The following MEF2C variants were observed in gnomAD, a reference collection of about 807,000 sequenced individuals.
MEF2C encodes the protein myocyte-specific enhancer factor 2C.
In MEF2C, 6 loss-of-function variants were observed where a neutral mutation model predicts 50.5. The observed-to-expected ratio is 0.12, with a 90% confidence interval of 0.07 to 0.23. The LOEUF is 0.23. MEF2C is among the 10% of genes least tolerant of loss of function. The pLI is 1.00. For synonymous variants in MEF2C, 183 were observed against 228.0 expected (o/e 0.80, Z 1.78); for missense variants, 276 against 605.0 (o/e 0.46, Z 5.70).
At chr5:88,764,278 C>T (rs1779033323) in intron 3 of MEF2C, among the ~76,000 whole-genome samples, 1 of 152,154 alleles carries the variant, frequency 6.6e-6, no homozygotes, top group Admixed American at 6.5e-5. Flanking sequence ...AATATTAACC[C>T]ATTATCTCTC....
intron 3 of MEF2C, among the ~76,000 whole-genome samples, chr5:88,798,113 G>T (rs1201034818): frequency 1.3e-5 from 2 of 151,444 alleles, no homozygotes; most frequent in Admixed American, 1.3e-4. Context: ...GAATCTGATT[G>T]TGTCTTGGGG....
chr5:88,755,850 A>AG (rs957762276), intron 4 of MEF2C, among the ~76,000 whole-genome samples: 41 of 152,352 alleles, frequency 2.7e-4, no homozygotes, highest in African/African-American at 9.4e-4. Flanking sequence ...CAAAATAAAG[A>AG]GGATTATTAA....
chr5:88,761,366 AG>A, intron 3 of MEF2C, 38 bp from the exon 4 acceptor site: 3 of 1,583,952 alleles, frequency 1.9e-6, no homozygotes, highest in Non-Finnish European at 1.7e-6. Context: ...ACCTAGACAA[AG>A]GCTGTAAGAG....
chr5:88,738,316 C>T (rs889233198), intron 6 of MEF2C: 2 of 985,210 alleles, frequency 2.0e-6, no homozygotes, highest in Non-Finnish European at 2.4e-6. Flanking sequence ...TATTATTTAC[C>T]AACAACACAA....
chr5:88,858,909 A>G (rs972445430), intron 1 of MEF2C, among the ~76,000 whole-genome samples: 1 of 152,214 alleles, frequency 6.6e-6, no homozygotes, highest in Admixed American at 6.5e-5. Flanking sequence ...GGTAGTAGTG[A>G]GACGTGTATT....
intron 1 of MEF2C, among the ~76,000 whole-genome samples, chr5:88,902,110 T>C (rs1582065924): frequency 6.6e-6 from 1 of 151,804 alleles, no homozygotes; most frequent in South Asian, 2.1e-4. Context: ...TCTTTAAAAG[T>C]AAATATTGTG....
chr5:88,805,711 C>T (rs1800100680), intron 2 of MEF2C, among the ~76,000 whole-genome samples: 1 of 151,948 alleles, frequency 6.6e-6, no homozygotes, highest in Non-Finnish European at 1.5e-5. Flanking sequence ...AACTTCCTAC[C>T]TGCCAATCCT....
At chr5:88,735,084 T>C in intron 6 of MEF2C, 1 of 985,382 alleles carries the variant, frequency 1.0e-6, no homozygotes, top group Non-Finnish European at 1.2e-6. Flanking sequence ...AGACTGTGGA[T>C]CCTAAACCAG....
At chr5:88,781,757 A>C (rs142696420) in intron 3 of MEF2C, among the ~76,000 whole-genome samples, 1 of 152,284 alleles carries the variant, frequency 6.6e-6, no homozygotes, top group Admixed American at 6.5e-5. Flanking sequence ...GGACCACTTG[A>C]GGTCAGGAGT....
intron 1 of MEF2C, among the ~76,000 whole-genome samples, chr5:88,848,614 G>A (rs985476830): frequency 6.6e-6 from 1 of 152,022 alleles, no homozygotes; most frequent in Non-Finnish European, 1.5e-5. Flanking sequence ...TTTGCAACTG[G>A]GGTAAGCACA....
intron 6 of MEF2C, chr5:88,743,673 A>C (rs1028571858): frequency 1.4e-5 from 14 of 985,420 alleles, no homozygotes; most frequent in African/African-American, 3.5e-5. Flanking sequence ...GTCTTGCTAG[A>C]TGGAGTCTTT....
chr5:88,761,086 C>G, intron 4 of MEF2C, 99 bp downstream of exon 4: 2 of 1,613,880 alleles, frequency 1.2e-6, no homozygotes, highest in Non-Finnish European at 1.7e-6. Context: ...GAGTCGGGAT[C>G]GGGGCTTTCA....
At chr5:88,872,584 T>C (rs1829840933) in intron 1 of MEF2C, among the ~76,000 whole-genome samples, 1 of 151,994 alleles carries the variant, frequency 6.6e-6, no homozygotes, top group South Asian at 2.1e-4. Context: ...AAATCACCAT[T>C]AGCAGAAACT....
At chr5:88,843,111 G>T (rs937434741) in intron 1 of MEF2C, among the ~76,000 whole-genome samples, 1 of 151,946 alleles carries the variant, frequency 6.6e-6, no homozygotes, top group African/African-American at 2.4e-5. Flanking sequence ...ATATTTAGGG[G>T]GTGGTATCTT....
chr5:88,880,337 G>C lies in MEF2C; in HGVS notation c.-143+2618C>G, dbSNP rs561133475. Reference sequence around the variant, plus strand: ...ATTGCATATTAAATTCTTCTATGTTGCTTCGAATCATGTCCCCAAAGCCAG... The same window carrying C: ...ATTGCATATTAAATTCTTCTATGTTCCTTCGAATCATGTCCCCAAAGCCAG... On this transcript the variant is annotated intron_variant, in intron 1 of 10. Transcript: ENST00000504921. Among the ~76,000 whole-genome samples the C allele has an allele frequency of 3.3e-5, 5 of 152,032 alleles. No homozygotes were observed. The South Asian group carries it at 1.0e-3, about 32-fold the overall frequency.
At chr5:88,898,778 CA>C (rs1835360365) in intron 1 of MEF2C, among the ~76,000 whole-genome samples, 1 of 152,060 alleles carries the variant, frequency 6.6e-6, no homozygotes, top group Non-Finnish European at 1.5e-5. Flanking sequence ...ATTACTATTG[CA>C]AAAGTATTGC....
At chr5:88,871,673 A>G (rs1829558027) in intron 1 of MEF2C, among the ~76,000 whole-genome samples, 1 of 152,082 alleles carries the variant, frequency 6.6e-6, no homozygotes, top group Non-Finnish European at 1.5e-5. Flanking sequence ...GAAAAGCTGA[A>G]CAAAAGGGGT....
intron 1 of MEF2C, among the ~76,000 whole-genome samples, chr5:88,880,030 T>C (rs1011131007): frequency 2.6e-5 from 4 of 151,670 alleles, no homozygotes; most frequent in Non-Finnish European, 5.9e-5. Flanking sequence ...ACAGTCAAGC[T>C]TTACTGAGTG....
intron 6 of MEF2C, chr5:88,741,843 G>A (rs1329301837): frequency 2.0e-6 from 2 of 985,060 alleles, no homozygotes; most frequent in Non-Finnish European, 2.4e-6. Context: ...AATTGAAATG[G>A]AGCAATAATA....
Sources: gnomAD v4.1 joint callset for allele counts (sites outside exome capture counted in the v4.1 genomes callset) on GRCh38, gnomAD v4.1.1 for gene constraint, MANE v1.5 for transcripts, NCBI Gene and HGNC (gene_info 2026-07-23, HGNC 2026-07-21) for gene names.